CRTC3: variants seen among roughly 807,000 people sequenced by gnomAD.
The protein encoded by CRTC3 is CREB regulated transcription coactivator 3.
CRTC3 carries 26 observed loss-of-function variants against 74.5 expected under a neutral mutation model. That is an observed-to-expected ratio of 0.35 (90% CI 0.26 to 0.48). The LOEUF is 0.48. Ranked by LOEUF, CRTC3 falls within the 20% of genes least tolerant of loss-of-function variation. The probability of loss-of-function intolerance (pLI) is 0.99; values close to 1 mark genes in which losing one functional copy is unlikely to be tolerated. For missense variants in CRTC3, 760 were observed against 787.3 expected (o/e 0.97, Z 0.41); for synonymous variants, 377 against 325.8 (o/e 1.16, Z -1.69).
At chr15:90,631,510 T>C (rs886631410) in intron 11 of CRTC3, among the ~76,000 whole-genome samples, 1 of 152,046 alleles carries the variant, frequency 6.6e-6, no homozygotes, top group Non-Finnish European at 1.5e-5. Flanking sequence ...GACGGATCAC[T>C]TGAGGGTAGG....
chr15:90,560,708 C>T (rs573650920), intron 2 of CRTC3, among the ~76,000 whole-genome samples: 1 of 152,268 alleles, frequency 6.6e-6, no homozygotes, highest in African/African-American at 2.4e-5. Context: ...AGAGCAGCGC[C>T]CAGATGCTGC....
rs564446494 is a variant in CRTC3 at position 90,579,766 on chromosome 15, C to G, written c.232-13870C>G. Among the ~76,000 whole-genome samples, 7 of 151,348 alleles carry G rather than the reference C, an allele frequency of 4.6e-5. No individual in the cohort carries two copies. In the South Asian group the frequency reaches 1.5e-3, roughly 32 times the overall value. On this transcript the variant is annotated intron_variant, in intron 2 of 14. Transcript: ENST00000268184. ...AAGCAATTCTCCTACATCAGCCTCC[C>G]CAGTAGCTGGGAGCACAGGCACCCG... is the stretch of plus-strand genomic sequence containing the variant.
intron 3 of CRTC3, chr15:90,597,721 G>T (rs756012212): frequency 1.3e-5 from 2 of 152,238 alleles, no homozygotes; most frequent in South Asian, 2.1e-4. Flanking sequence ...CCTAACACCC[G>T]TCTTATCTTG....
intron 11 of CRTC3, among the ~76,000 whole-genome samples, chr15:90,630,301 GAATTAGACCTCTTCCCT>G (rs1375692303): frequency 1.3e-5 from 2 of 152,288 alleles, no homozygotes; most frequent in Admixed American, 1.3e-4. Flanking sequence ...CTTTGATAAT[GAATTAGACCTCTTCCCT>G]AATTGTCTAC....
Position 90,614,437 on chromosome 15 carries a change from T to G in CRTC3, c.578-16T>G. On this transcript the variant is annotated splice_polypyrimidine_tract_variant and intron_variant, in intron 6 of 14. Coordinates refer to ENST00000268184, the MANE Select transcript of CRTC3 (RefSeq NM_022769.5). ...CATAAAAGTGTTTTCTTTTTTTCTT[T>G]TTCCTTTCCCGCTAGGTTTCTGTGA... is the stretch of plus-strand genomic sequence containing the variant. The G allele has an allele frequency of 6.2e-7, 1 of 1,600,024 alleles. No individual in the cohort carries two copies. The highest frequency in any genetic ancestry group is 8.6e-7 in the Non-Finnish European group (1 of 1,168,228).
At chr15:90,601,402 C>G (rs776020284) in intron 3 of CRTC3, among the ~76,000 whole-genome samples, 68 of 152,246 alleles carry the variant, frequency 4.5e-4, no homozygotes, top group Middle Eastern at 3.4e-3. Context: ...CTAATCCCAG[C>G]AATTTGGGAG....
chr15:90,582,035 T>C (rs1019978838), intron 2 of CRTC3, among the ~76,000 whole-genome samples: 3 of 152,216 alleles, frequency 2.0e-5, no homozygotes, highest in African/African-American at 7.2e-5. Context: ...TACCAGCCAC[T>C]AGGCCGGACT....
chr15:90,605,042 T>C (rs12904055), intron 5 of CRTC3, among the ~76,000 whole-genome samples: 35,743 of 151,556 alleles, frequency 0.24, 4,474 homozygotes, highest in African/African-American at 0.31. Flanking sequence ...CAGAGGATCG[T>C]GTGAGTCCAG....
Position 90,602,316 on chromosome 15 carries a change from A to G in CRTC3, c.352-8A>G. On this transcript the variant is annotated splice_region_variant and splice_polypyrimidine_tract_variant and intron_variant, in intron 3 of 14. Coordinates refer to ENST00000268184, the MANE Select transcript of CRTC3 (RefSeq NM_022769.5). ...TAATTTTTATTTTTCCTTTATTAAA[A>G]ATTCTACTTTGATGGTAGTGCTTTT... The G allele has an allele frequency of 6.5e-7, 1 of 1,535,842 alleles. No individual in the cohort carries two copies. The highest frequency in any genetic ancestry group is 9.0e-7 in the Non-Finnish European group (1 of 1,111,700).
intron 2 of CRTC3, among the ~76,000 whole-genome samples, chr15:90,554,869 A>G (rs1966875977): frequency 6.6e-6 from 1 of 152,222 alleles, no homozygotes; most frequent in African/African-American, 2.4e-5. Context: ...GTTTCTTACT[A>G]AAAGTACCAA....
At chr15:90,629,050 G>C (rs935791004) in intron 10 of CRTC3, among the ~76,000 whole-genome samples, 184 bp from the exon 11 acceptor site, 1 of 152,170 alleles carries the variant, frequency 6.6e-6, no homozygotes, top group Admixed American at 6.5e-5. Context: ...ATCTCTGTTA[G>C]TGCAGGGGCA....
At chr15:90,627,246 G>T (rs1968870487) in intron 10 of CRTC3, among the ~76,000 whole-genome samples, 1 of 152,118 alleles carries the variant, frequency 6.6e-6, no homozygotes, top group Non-Finnish European at 1.5e-5. Flanking sequence ...TGTTTTTTGG[G>T]TCATTTTAGT....
chr15:90,628,955 C>T (rs76214949), intron 10 of CRTC3, among the ~76,000 whole-genome samples: 3,804 of 152,236 alleles, frequency 0.025, 102 homozygotes, highest in African/African-American at 0.067. Context: ...TCTGTTACCC[C>T]GGTTTACCTA....
At chr15:90,638,690 T>A (rs763157611) in intron 12 of CRTC3, 44 bp downstream of exon 12, 2 of 1,611,858 alleles carry the variant, frequency 1.2e-6, no homozygotes, top group South Asian at 2.2e-5. Context: ...ATGCTTGTTT[T>A]GCTCTGAGTT....
intron 2 of CRTC3, among the ~76,000 whole-genome samples, chr15:90,577,334 G>A (rs1022517670): frequency 6.6e-6 from 1 of 152,202 alleles, no homozygotes; most frequent in African/African-American, 2.4e-5. Flanking sequence ...GATATAAGGG[G>A]TTGGAGAAGT....
intron 2 of CRTC3, among the ~76,000 whole-genome samples, chr15:90,561,907 G>A (rs1390345078): frequency 2.0e-5 from 3 of 152,176 alleles, no homozygotes. Flanking sequence ...TATTTTCCAA[G>A]AGACAGAATA....
Position 90,593,694 on chromosome 15 carries a change from G to A in CRTC3, c.290G>A (p.Arg97Lys), listed in dbSNP as rs1967852634. 1 of 1,612,470 alleles carries A rather than the reference G, an allele frequency of 6.2e-7. No individual in the cohort carries two copies. Among genetic ancestry groups the A allele is most frequent in the African/African-American group, 1.3e-5 (1 of 74,910 alleles). ...RGTRHHGLVE[R>K]PSRNRFHPLH... ...ACCCGCCATCACGGGCTGGTGGAGA[G>A]GCCATCCAGGAACCGCTTCCACCCC... Residue 97 changes from arginine to lysine, a missense_variant, in exon 3 of 15, where the codon AGG (arginine) becomes AAG (lysine). Physicochemically the swap from Arg to Lys is conservative, Grantham distance 26. This residue lies in a region of CRTC3 where 108 missense variants were observed against 152.1 expected (regional missense o/e 0.71). Coordinates refer to ENST00000268184, the MANE Select transcript of CRTC3 (RefSeq NM_022769.5).
At chr15:90,582,203 A>C (rs1166305278) in intron 2 of CRTC3, among the ~76,000 whole-genome samples, 14 of 152,226 alleles carry the variant, frequency 9.2e-5, no homozygotes, top group East Asian at 5.8e-4. Context: ...TCTTATTAGC[A>C]TTAAAGTTAA....
At chr15:90,543,158 G>T (rs1966830662) in intron 2 of CRTC3, among the ~76,000 whole-genome samples, 1 of 147,504 alleles carries the variant, frequency 6.8e-6, no homozygotes, top group Admixed American at 6.8e-5. Flanking sequence ...AAGGCCAGAT[G>T]TGGTGGTGCA....
Sources: gnomAD v4.1 joint callset for allele counts (sites outside exome capture counted in the v4.1 genomes callset) on GRCh38, gnomAD v4.1.1 for gene constraint, gnomAD v4.1.1 regional missense constraint, MANE v1.5 for transcripts, NCBI Gene and HGNC (gene_info 2026-07-23, HGNC 2026-07-21) for gene names.